The following LIMS2 variants were observed in gnomAD, a reference collection of about 807,000 sequenced individuals.
The protein encoded by LIMS2 is LIM zinc finger domain containing 2.
A neutral mutation model predicts 45.3 loss-of-function variants in LIMS2; 30 were observed. The observed-to-expected ratio is 0.66, with a 90% CI of 0.50 to 0.90. The LOEUF is 0.90. LIMS2 is among the 40% of genes least tolerant of loss of function. The pLI, the probability that LIMS2 is intolerant of heterozygous loss-of-function variation, is 0.00. For missense variants in LIMS2, 485 were observed against 468.7 expected (o/e 1.03, Z -0.32); for synonymous variants, 173 against 188.0 (o/e 0.92, Z 0.65).
At position 127,660,773 on chromosome 2, in the gene LIMS2, G is replaced by T. The variant is rs547375720; in HGVS notation, c.12-3211C>A. On this transcript the variant is annotated intron_variant, in intron 1 of 9. Transcript: ENST00000355119. ...CACCTGGTCAACCTGACAGCAGCCT[G>T]GCCACACACACTCTCCTCTACCTTC... Among the ~76,000 whole-genome samples the T allele has an allele frequency of 1.3e-4, 20 of 152,316 alleles. No homozygotes were observed. The South Asian group carries it at 3.9e-3, about 30-fold the overall frequency.
intron 4 of LIMS2, chr2:127,643,354 G>A (rs924396372): frequency 4.4e-5 from 23 of 521,030 alleles, no homozygotes; most frequent in Non-Finnish European, 7.3e-5. Context: ...TAAGCCTGGG[G>A]CATGCTGCAG....
chr2:127,664,277 C>A lies in LIMS2; in HGVS notation c.12-6715G>T. On this transcript the variant is annotated intron_variant, in intron 1 of 9. Coordinates refer to ENST00000355119, the MANE Select transcript of LIMS2 (RefSeq NM_001161403.3). The surrounding 1 kb of genome is among the most constrained non-coding windows in gnomAD (Gnocchi z 5.5). ...GCCGCAGCTTTCCGGCCATTGTCCC[C>A]GCCACCCGCCCCGCCCCTGGCCACC... 8.1e-7 allele frequency: 1 copy of A among 1,232,450 alleles called. No homozygotes were observed. The highest frequency in any genetic ancestry group is 3.7e-5 in the South Asian group (1 of 26,986). 76.3% of individuals were successfully genotyped at this position (1,232,450 alleles called of 1,614,324 possible). A position where few individuals can be genotyped will look rare whatever the true frequency, so the allele number is the denominator to read the frequency against.
rs1682122505 is a variant in LIMS2, at chr2:127,639,095, A to AGGGTGTC, written c.*185_*186insGACACCC. ...TCCTGCCTCCTCACAGACAGAAGCC[A>AGGGTGTC]CGGCCAAGGAGAGGAGAGACATGGG... On this transcript the variant is annotated 3_prime_UTR_variant, in exon 10 of 10. Coordinates refer to ENST00000355119, the MANE Select transcript of LIMS2 (RefSeq NM_001161403.3). 1.6e-6 allele frequency: 1 copy of AGGGTGTC among 643,212 alleles called. No homozygotes were observed. Among genetic ancestry groups the AGGGTGTC allele is most frequent in the African/African-American group, 1.8e-5 (1 of 54,194 alleles). The allele number at this position is 643,212 out of a possible 1,614,324, so 39.8% of individuals were successfully genotyped here.
intron 1 of LIMS2, among the ~76,000 whole-genome samples, chr2:127,661,185 C>G (rs531907055): frequency 6.6e-6 from 1 of 152,364 alleles, no homozygotes; most frequent in Non-Finnish European, 1.5e-5. Context: ...CCGCTCAGCT[C>G]TACACGTGAT....
rs1682493648 is a variant in LIMS2 at position 127,642,186 on chromosome 2, C to T, written c.523G>A (p.Ala175Thr). Residue 175 changes from alanine (A) to threonine (T), a missense_variant, in exon 6 of 10, where the codon GCC (alanine) becomes ACC (threonine). Coordinates refer to ENST00000355119, the MANE Select transcript of LIMS2 (RefSeq NM_001161403.3). The surrounding 1 kb of genome is among the most constrained non-coding windows in gnomAD (Gnocchi z 5.3). ...TCACCCTTCAGCTCGCGGGCCTCGG[C>T]TGTCAGCTCCTTCCTGGAAGACAGC... ...NCTHCGKELT[A>T]EARELKGELY... 6.4e-7 allele frequency: 1 copy of T among 1,561,184 alleles called. No individual in the cohort carries two copies.
At chr2:127,658,991 G>C (rs1268618282) in intron 1 of LIMS2, among the ~76,000 whole-genome samples, 6 of 152,212 alleles carry the variant, frequency 3.9e-5, no homozygotes, top group African/African-American at 1.4e-4. Context: ...CCTGCAATCT[G>C]GGCAGGGCCA....
intron 6 of LIMS2, 196 bp downstream of exon 6, chr2:127,641,853 G>A (rs770078895): frequency 4.5e-4 from 249 of 559,264 alleles, no homozygotes; most frequent in Non-Finnish European, 6.9e-4. Context: ...GTGTGCACTC[G>A]GGTCTCCTGG....
chr2:127,643,982 C>T, intron 4 of LIMS2: 1 of 450,662 alleles, frequency 2.2e-6, no homozygotes, highest in East Asian at 7.0e-5. Flanking sequence ...GATCCAATCG[C>T]AGACCCAAGA....
chr2:127,643,667 G>A lies in LIMS2; in HGVS notation c.360-595C>T, dbSNP rs1467596580. The A allele has an allele frequency of 6.7e-6, 3 of 449,686 alleles. No homozygotes were observed. In the Admixed American group the frequency reaches 7.1e-5, roughly 11 times the overall value. The allele number at this position is 449,686 out of a possible 1,614,324, so 27.9% of individuals were successfully genotyped here. ...AATTTCTGATGCTACTCGCTGTGTTGGACGACAGCTGTGTTCTCAACGGAG... is the reference window on the plus strand; with the variant it reads ...AATTTCTGATGCTACTCGCTGTGTTAGACGACAGCTGTGTTCTCAACGGAG... On this transcript the variant is annotated intron_variant, in intron 4 of 9. Transcript: ENST00000355119.
At chr2:127,654,753 C>A in intron 3 of LIMS2, 77 bp downstream of exon 3, 3 of 1,513,032 alleles carry the variant, frequency 2.0e-6, no homozygotes, top group Non-Finnish European at 2.7e-6. Context: ...GTTCTGTGTA[C>A]CCCCTCGGCC....
In LIMS2 at chr2:127,639,140, C is replaced by G. The variant is rs1682127702; in HGVS notation, c.*141G>C. Reference sequence around the variant, plus strand: ...CATGGGGAAGGCAGAGATGAGGGAACAGGAAGGGAGAAGGCAATGAGGAAA... The same window carrying G: ...CATGGGGAAGGCAGAGATGAGGGAAGAGGAAGGGAGAAGGCAATGAGGAAA... On this transcript the variant is annotated 3_prime_UTR_variant, in exon 10 of 10. Transcript: ENST00000355119. The G allele has an allele frequency of 1.1e-6, 1 of 874,288 alleles. No individual in the cohort carries two copies. Among genetic ancestry groups the G allele is most frequent in the African/African-American group, 1.7e-5 (1 of 59,292 alleles). 54.2% of individuals were successfully genotyped at this position (874,288 alleles called of 1,614,324 possible).
At position 127,653,610 on chromosome 2, in the gene LIMS2, G is replaced by A. The variant is rs1410859303; in HGVS notation, c.359+814C>T. Among the ~76,000 whole-genome samples the A allele has an allele frequency of 6.6e-6, 1 of 152,090 alleles. No individual in the cohort carries two copies. The highest frequency in any genetic ancestry group is 2.4e-5 in the African/African-American group (1 of 41,426). On this transcript the variant is annotated intron_variant, in intron 4 of 9. Coordinates refer to ENST00000355119, the MANE Select transcript of LIMS2 (RefSeq NM_001161403.3). This position sits in a 1 kb window ranked among gnomAD's most constrained non-coding sequence, Gnocchi z 5.3. ...TGACTCAGAGGAGGGGAGTGAGCAG[G>A]TGCAGCTGTGGGGGCGGGCAGAACC...
Position 127,640,322 on chromosome 2 carries a change from T to C in LIMS2, c.754-4A>G. On this transcript the variant is annotated splice_polypyrimidine_tract_variant and splice_region_variant and intron_variant, in intron 7 of 9. Coordinates refer to ENST00000355119, the MANE Select transcript of LIMS2 (RefSeq NM_001161403.3). ...TGTAGCAGACGTCCCCGAAGAGCTGTGGGCCGAGCAGGCTGTCAGAGTAGC... is the reference window on the plus strand; with the variant it reads ...TGTAGCAGACGTCCCCGAAGAGCTGCGGGCCGAGCAGGCTGTCAGAGTAGC... 6.2e-7 allele frequency: 1 copy of C among 1,612,604 alleles called. No individual in the cohort carries two copies. The highest frequency in any genetic ancestry group is 8.5e-7 in the Non-Finnish European group (1 of 1,179,890).
Position 127,672,326 on chromosome 2 carries a change from G to A in LIMS2, c.11+2688C>T, listed in dbSNP as rs1040182414. On this transcript the variant is annotated intron_variant, in intron 1 of 9. Coordinates refer to ENST00000355119, the MANE Select transcript of LIMS2 (RefSeq NM_001161403.3). This position sits in a 1 kb window ranked among gnomAD's most constrained non-coding sequence, Gnocchi z 4.9. ...AAGTCCCTGAGTTGCTGCTGAGGCC[G>A]AGCCCCCTCTCTTCCCACGGCGTGC... 3.3e-5 allele frequency among the ~76,000 whole-genome samples: 5 copies of A among 152,114 alleles called. No homozygotes were observed. The highest frequency in any genetic ancestry group is 9.7e-5 in the African/African-American group (4 of 41,410).
intron 4 of LIMS2, chr2:127,651,605 G>C (rs368497998): frequency 6.2e-7 from 1 of 1,613,376 alleles, no homozygotes; most frequent in Non-Finnish European, 8.5e-7. Context: ...GCCTCAACGG[G>C]GCACTCGACC....
chr2:127,656,651 G>A (rs764175406), intron 2 of LIMS2, among the ~76,000 whole-genome samples: 4 of 152,150 alleles, frequency 2.6e-5, no homozygotes, highest in African/African-American at 7.2e-5. Flanking sequence ...CTGACCTCAG[G>A]TGATCCATCT....
intron 4 of LIMS2, among the ~76,000 whole-genome samples, chr2:127,648,993 GAGGGGAGGGGAGGA>G (rs1202278387): frequency 4.4e-5 from 1 of 22,502 alleles, no homozygotes; most frequent in Non-Finnish European, 9.0e-5. Context: ...GGAGGGGAGG[GAGGGGAGGGGAGGA>G]AGGGGAGGGA....
At chr2:127,646,892 A>G (rs1019436568) in intron 4 of LIMS2, among the ~76,000 whole-genome samples, 6 of 152,212 alleles carry the variant, frequency 3.9e-5, no homozygotes, top group African/African-American at 1.2e-4. Flanking sequence ...TGCAACAATC[A>G]GTATCAGAAC....
chr2:127,655,122 C>T (rs770721914), intron 2 of LIMS2: 12 of 607,562 alleles, frequency 2.0e-5, no homozygotes, highest in African/African-American at 7.4e-5. Context: ...TGGAGAGGTC[C>T]GTGAGGCCAC....
Sources: allele counts gnomAD v4.1 joint callset (sites outside exome capture counted in the v4.1 genomes callset), GRCh38; gene constraint gnomAD v4.1.1; non-coding constraint Gnocchi (gnomAD v3.1); transcripts MANE v1.5; gene names NCBI Gene and HGNC (gene_info 2026-07-23, HGNC 2026-07-21).